The following GALNT11 variants were observed in gnomAD, a reference collection of about 807,000 sequenced individuals.
The protein encoded by GALNT11 is UDP-GalNAc:polypeptide N-acetylgalactosaminyltransferase 11.
Under a neutral mutation model 72.7 loss-of-function variants are expected in GALNT11, and 47 were observed. That is an observed-to-expected ratio of 0.65 (90% CI 0.51 to 0.82). GALNT11 has a LOEUF of 0.82. Ranked by LOEUF, GALNT11 falls within the 40% of genes least tolerant of loss-of-function variation. GALNT11 has a pLI of 0.00. For synonymous variants in GALNT11, 270 were observed against 286.6 expected (o/e 0.94, Z 0.58); for missense variants, 677 against 778.4 (o/e 0.87, Z 1.55).
chr7:152,096,791 G>C (rs1409634957), intron 2 of GALNT11, among the ~76,000 whole-genome samples: 1 of 151,498 alleles, frequency 6.6e-6, no homozygotes, highest in Non-Finnish European at 1.5e-5. Flanking sequence ...TTTCTAATAA[G>C]GGTTCAGTAT....
At chr7:152,099,339 G>A (rs2086607189) in intron 2 of GALNT11, among the ~76,000 whole-genome samples, 2 of 140,568 alleles carry the variant, frequency 1.4e-5, no homozygotes, top group African/African-American at 5.3e-5. Context: ...TTTAAAAATG[G>A]ACTTTTATTT....
chr7:152,065,954 ACTC>A (rs2084283816), intron 1 of GALNT11, among the ~76,000 whole-genome samples: 1 of 152,022 alleles, frequency 6.6e-6, no homozygotes, highest in African/African-American at 2.4e-5. Context: ...GAGAACCACT[ACTC>A]TATTCAAAGT....
At chr7:152,045,595 A>G (rs899616546) in intron 1 of GALNT11, among the ~76,000 whole-genome samples, 3 of 151,990 alleles carry the variant, frequency 2.0e-5, no homozygotes, top group Admixed American at 1.3e-4. Flanking sequence ...GTAGCCTCTC[A>G]TGATCTTTTG....
chr7:152,068,417 G>A (rs538347943), intron 1 of GALNT11, among the ~76,000 whole-genome samples: 1 of 152,092 alleles, frequency 6.6e-6, no homozygotes, highest in South Asian at 2.1e-4. Context: ...ATCTTTTGAG[G>A]GACCTCTTAG....
At chr7:152,103,828 T>C (rs1455652937) in intron 4 of GALNT11, 1 of 154,300 alleles carries the variant, frequency 6.5e-6, no homozygotes, top group Non-Finnish European at 1.4e-5. Flanking sequence ...TCTGATTTTG[T>C]TATTTCAAGA....
intron 1 of GALNT11, among the ~76,000 whole-genome samples, chr7:152,062,477 C>G (rs147665685): frequency 3.3e-5 from 5 of 152,266 alleles, no homozygotes; most frequent in African/African-American, 9.6e-5. Flanking sequence ...TGCCTGATTG[C>G]CCTGGCGAGG....
At position 152,118,721 on chromosome 7, in the gene GALNT11, G is replaced by A. The variant is rs138329715; in HGVS notation, c.1496G>A (p.Arg499His). ...AACAAATGCCTGGTGGCCCAGGGCC[G>A]CCCAAGTCAGAAGGGAGGTCTCGTG... Reference protein sequence around the residue: ...QTNKCLVAQGRPSQKGGLVVL... With the variant: ...QTNKCLVAQGHPSQKGGLVVL... The change falls in exon 10 of 12, where the codon CGC becomes CAC. Residue 499 changes from arginine to histidine, a missense_variant. Transcript: ENST00000430044. 107 of 1,611,594 alleles carry A rather than the reference G, an allele frequency of 6.6e-5. 1 individual carries two copies. The African/African-American group carries it at 1.1e-3, about 16-fold the overall frequency.
chr7:152,072,960 T>C (rs1336742258), intron 1 of GALNT11, among the ~76,000 whole-genome samples: 1 of 152,224 alleles, frequency 6.6e-6, no homozygotes, highest in African/African-American at 2.4e-5. Context: ...CATCGGGGAA[T>C]AAGCATTTAT....
rs1170875912 is a variant in GALNT11, at chr7:152,094,353, C to G, written c.126C>G (p.Val42=). The G allele has an allele frequency of 2.5e-6, 4 of 1,614,044 alleles. No individual in the cohort carries two copies. Among genetic ancestry groups the G allele is most frequent in the Non-Finnish European group, 3.4e-6 (4 of 1,180,042 alleles). The part of the protein sequence containing the change: ...EVTQPLKNVP[V]KGSGPHGPSP... Reference sequence around the variant, plus strand: ...CTCAGCCACTTAAGAATGTGCCCGTCAAGGGGTCTGGGCCCCACGGACCAT... The same window carrying G: ...CTCAGCCACTTAAGAATGTGCCCGTGAAGGGGTCTGGGCCCCACGGACCAT... The change falls in exon 2 of 12, where the codon GTC becomes GTG. Residue 42 remains valine, a synonymous_variant. Coordinates refer to ENST00000430044, the MANE Select transcript of GALNT11 (RefSeq NM_022087.4). This position sits in a 1 kb window ranked among gnomAD's most constrained non-coding sequence, Gnocchi z 4.3.
intron 1 of GALNT11, among the ~76,000 whole-genome samples, chr7:152,039,568 G>T (rs2082750761): frequency 6.6e-6 from 1 of 152,098 alleles, no homozygotes; most frequent in East Asian, 1.9e-4. Context: ...ACAGCTTCTT[G>T]ATCTGTCCCC....
chr7:152,088,092 C>T (rs368113522), intron 1 of GALNT11, among the ~76,000 whole-genome samples: 6 of 152,126 alleles, frequency 3.9e-5, no homozygotes, highest in Non-Finnish European at 7.3e-5. Flanking sequence ...GCATAGCTGG[C>T]GTGGAGCCCT....
At chr7:152,108,440 T>C (rs1271040803) in intron 6 of GALNT11, among the ~76,000 whole-genome samples, 153 bp downstream of exon 6, 2 of 152,242 alleles carry the variant, frequency 1.3e-5, no homozygotes, top group African/African-American at 2.4e-5. Context: ...TTGAATTTTA[T>C]GCAGTCTGCC....
At chr7:152,065,444 G>A (rs569138043) in intron 1 of GALNT11, among the ~76,000 whole-genome samples, 69 of 152,258 alleles carry the variant, frequency 4.5e-4, no homozygotes, top group Non-Finnish European at 6.8e-4. Context: ...CTCTCAACTC[G>A]TCAAAGTCAT....
At chr7:152,051,752 A>T (rs1198619862) in intron 1 of GALNT11, among the ~76,000 whole-genome samples, 4 of 140,482 alleles carry the variant, frequency 2.8e-5, no homozygotes, top group Non-Finnish European at 5.9e-5. Context: ...TAGGAAATAG[A>T]AAAACCTCTC....
At chr7:152,071,618 A>G (rs986955475) in intron 1 of GALNT11, among the ~76,000 whole-genome samples, 1 of 152,220 alleles carries the variant, frequency 6.6e-6, no homozygotes, top group African/African-American at 2.4e-5. Context: ...AGATTAAAGT[A>G]AAGACAGGCA....
At chr7:152,113,541 C>T in intron 8 of GALNT11, 143 bp downstream of exon 8, 1 of 888,070 alleles carries the variant, frequency 1.1e-6, no homozygotes, top group South Asian at 1.9e-5. Flanking sequence ...CTAGTTTCCC[C>T]CCACCCCCTT....
chr7:152,100,343 A>C (rs2086769723), intron 2 of GALNT11, among the ~76,000 whole-genome samples: 1 of 152,030 alleles, frequency 6.6e-6, no homozygotes, highest in Admixed American at 6.5e-5. Context: ...CGAGGTGGGC[A>C]GATCACGAGG....
At chr7:152,037,366 C>T (rs1022669063) in intron 1 of GALNT11, among the ~76,000 whole-genome samples, 7 of 152,102 alleles carry the variant, frequency 4.6e-5, no homozygotes, top group East Asian at 1.9e-4. Context: ...AAAATGAGTT[C>T]GCTGTAGATG....
intron 1 of GALNT11, among the ~76,000 whole-genome samples, chr7:152,055,565 GTGTA>G (rs1188956508): frequency 0.028 from 3,089 of 111,128 alleles, 40 homozygotes; most frequent in East Asian, 0.045. Flanking sequence ...GTGTGTGTGT[GTGTA>G]TATATACATA....
Sources: allele counts gnomAD v4.1 joint callset (sites outside exome capture counted in the v4.1 genomes callset), GRCh38; gene constraint gnomAD v4.1.1; non-coding constraint Gnocchi (gnomAD v3.1); transcripts MANE v1.5; gene names NCBI Gene and HGNC (gene_info 2026-07-23, HGNC 2026-07-21).